EYA2: variants seen among roughly 807,000 people sequenced by gnomAD.
The protein encoded by EYA2 is protein phosphatase EYA2.
A neutral mutation model predicts 69.2 loss-of-function variants in EYA2; 31 were observed. That is an observed-to-expected ratio of 0.45 (90% CI 0.34 to 0.60). The LOEUF (loss-of-function observed/expected upper bound fraction) is 0.60, where lower values mean the gene tolerates loss of function less well. EYA2 is among the 20% of genes least tolerant of loss of function. The pLI, the probability that EYA2 is intolerant of heterozygous loss-of-function variation, is 0.02. For synonymous variants in EYA2, 257 were observed against 279.4 expected (o/e 0.92, Z 0.80); for missense variants, 622 against 701.2 (o/e 0.89, Z 1.28).
chr20:46,954,018 C>T (rs1485221581), intron 1 of EYA2, among the ~76,000 whole-genome samples: 1 of 152,190 alleles, frequency 6.6e-6, no homozygotes, highest in East Asian at 1.9e-4. Context: ...CATGTTCCAA[C>T]CACACGATTC....
At chr20:47,135,434 C>T (rs2033440457) in intron 9 of EYA2, among the ~76,000 whole-genome samples, 1 of 152,012 alleles carries the variant, frequency 6.6e-6, no homozygotes, top group East Asian at 1.9e-4. Context: ...TACAACAAAG[C>T]ACTCACTAGA....
At chr20:47,089,471 A>T (rs2032006152) in intron 8 of EYA2, 90 bp downstream of exon 8, 11 of 1,438,412 alleles carry the variant, frequency 7.6e-6, no homozygotes, top group Middle Eastern at 2.1e-4. Context: ...TCCAAGTACG[A>T]GGCGGAGAAT....
intron 1 of EYA2, among the ~76,000 whole-genome samples, chr20:46,907,636 C>G (rs754850290): frequency 6.6e-6 from 1 of 152,172 alleles, no homozygotes; most frequent in Non-Finnish European, 1.5e-5. Flanking sequence ...GTCAGAAGTT[C>G]GAGACCAGCC....
At chr20:46,988,212 G>A (rs577213582) in intron 1 of EYA2, among the ~76,000 whole-genome samples, 19 of 149,542 alleles carry the variant, frequency 1.3e-4, no homozygotes, top group Admixed American at 3.3e-4. Flanking sequence ...ATGGCGGGGG[G>A]CGGGGGTGGG....
intron 6 of EYA2, among the ~76,000 whole-genome samples, chr20:47,073,507 C>T (rs568363698): frequency 8.8e-4 from 129 of 146,966 alleles, no homozygotes; most frequent in African/African-American, 3.2e-3. Context: ...GGGGGGGGTG[C>T]AGTGTGGTCT....
At chr20:46,908,607 C>T (rs1984478854) in intron 1 of EYA2, among the ~76,000 whole-genome samples, 1 of 152,158 alleles carries the variant, frequency 6.6e-6, no homozygotes, top group Non-Finnish European at 1.5e-5. Flanking sequence ...ACCCAGAGAA[C>T]CCAAACAGGT....
At chr20:46,984,110 A>T (rs1279680922) in intron 1 of EYA2, among the ~76,000 whole-genome samples, 1 of 152,206 alleles carries the variant, frequency 6.6e-6, no homozygotes, top group South Asian at 2.1e-4. Flanking sequence ...AAAAAGGCAG[A>T]CTCTAAATGA....
chr20:46,953,578 T>G (rs1280654350), intron 1 of EYA2, among the ~76,000 whole-genome samples: 1 of 152,188 alleles, frequency 6.6e-6, no homozygotes, highest in Non-Finnish European at 1.5e-5. Flanking sequence ...CACTGGGGCC[T>G]GATAATTCTT....
intron 4 of EYA2, among the ~76,000 whole-genome samples, chr20:47,010,252 A>G (rs531557884): frequency 1.3e-5 from 2 of 152,214 alleles, no homozygotes; most frequent in Non-Finnish European, 2.9e-5. Flanking sequence ...GGCTTAAAAT[A>G]ACACTGACGT....
At chr20:46,930,669 TA>T (rs34484658) in intron 1 of EYA2, among the ~76,000 whole-genome samples, 1 of 152,068 alleles carries the variant, frequency 6.6e-6, no homozygotes, top group Admixed American at 6.5e-5. Flanking sequence ...TGTCATAAAC[TA>T]AAAAAAGGCA....
rs2034523752 is a variant in EYA2, at chr20:47,180,824, T to C, written c.1323T>C (p.Cys441=). 2 of 1,614,152 alleles carry C rather than the reference T, an allele frequency of 1.2e-6. No homozygotes were observed. The highest frequency in any genetic ancestry group is 1.3e-5 in the African/African-American group (1 of 75,056). Residue 441 remains cysteine, a synonymous_variant, in exon 14 of 16, where the codon TGT becomes TGC. Transcript: ENST00000327619. ...ALNLINSRPN[C]VNVLVTTTQL... is the part of the protein sequence containing the mutation. ...TCTCCTTTGTCCTTAGGCCCAACTG[T>C]GTCAATGTGCTGGTCACCACCACTC... is the stretch of plus-strand genomic sequence containing the variant.
intron 5 of EYA2, among the ~76,000 whole-genome samples, chr20:47,064,438 G>A (rs1277923027): frequency 2.0e-5 from 3 of 152,220 alleles, no homozygotes; most frequent in African/African-American, 7.2e-5. Context: ...TAGTGCTCCT[G>A]TGAACTTTTG....
intron 1 of EYA2, among the ~76,000 whole-genome samples, chr20:46,928,252 T>C (rs562119098): frequency 5.9e-5 from 9 of 152,276 alleles, no homozygotes; most frequent in Admixed American, 3.3e-4. Context: ...TTTGAATAAA[T>C]GGAAAAATGG....
intron 9 of EYA2, among the ~76,000 whole-genome samples, chr20:47,135,082 A>C (rs1402806700): frequency 1.4e-5 from 2 of 141,008 alleles, no homozygotes; most frequent in Admixed American, 1.5e-4. Context: ...AGCCGAGATC[A>C]CGCCACTGTA....
intron 5 of EYA2, among the ~76,000 whole-genome samples, chr20:47,022,892 TGTTCA>T (rs1376044050): frequency 6.6e-6 from 1 of 152,054 alleles, no homozygotes; most frequent in African/African-American, 2.4e-5. Flanking sequence ...CTTTTTAAAG[TGTTCA>T]GTTTAGTGTT....
At chr20:47,056,962 C>T (rs6094572) in intron 5 of EYA2, among the ~76,000 whole-genome samples, 1 of 151,462 alleles carries the variant, frequency 6.6e-6, no homozygotes. Flanking sequence ...GGAGGATCGC[C>T]TGAGCCCGGG....
At chr20:47,000,097 T>C (rs1192652602) in intron 2 of EYA2, among the ~76,000 whole-genome samples, 1 of 152,060 alleles carries the variant, frequency 6.6e-6, no homozygotes, top group Admixed American at 6.5e-5. Flanking sequence ...CCTGGGTGAG[T>C]TACTTAAGCT....
rs1019137985 is a variant in EYA2 at position 46,894,908 on chromosome 20, A to C, written c.-90A>C. 1 of 151,352 alleles carries C rather than the reference A, an allele frequency of 6.6e-6. No homozygotes were observed. The highest frequency in any genetic ancestry group is 1.5e-5 in the Non-Finnish European group (1 of 67,810). 9.4% of individuals were successfully genotyped at this position (151,352 alleles called of 1,614,324 possible). On this transcript the variant is annotated 5_prime_UTR_variant, in exon 1 of 16. Coordinates refer to ENST00000327619, the MANE Select transcript of EYA2 (RefSeq NM_005244.5). ...GCAGAGACAGCAACGTGCCCGCCGC[A>C]GTCAGCCCGGCCTCGTCGGACCCGC...
chr20:47,152,285 C>T (rs2033837919), intron 10 of EYA2, among the ~76,000 whole-genome samples: 1 of 152,088 alleles, frequency 6.6e-6, no homozygotes, highest in African/African-American at 2.4e-5. Flanking sequence ...TGGATTATTC[C>T]TCCACGCTGT....
Sources: gnomAD v4.1 joint callset for allele counts (sites outside exome capture counted in the v4.1 genomes callset) on GRCh38, gnomAD v4.1.1 for gene constraint, MANE v1.5 for transcripts, NCBI Gene and HGNC (gene_info 2026-07-23, HGNC 2026-07-21) for gene names.